Variants in GNG7 observed in about 807,000 individuals in gnomAD.
GNG7 encodes the protein G protein subunit gamma 7.
In GNG7, 1 loss-of-function variant was observed where a neutral mutation model predicts 4.0. That is an observed-to-expected ratio of 0.25 (90% CI 0.09 to 1.18). GNG7 has a LOEUF of 1.18. GNG7 is among the 50% of genes most tolerant of loss of function. The pLI is 0.50. For synonymous variants in GNG7, 34 were observed against 36.9 expected (o/e 0.92, Z 0.29); for missense variants, 86 against 91.9 (o/e 0.94, Z 0.26).
intron 1 of GNG7, among the ~76,000 whole-genome samples, chr19:2,699,688 G>C (rs1913354097): frequency 6.6e-6 from 1 of 152,200 alleles, no homozygotes; most frequent in African/African-American, 2.4e-5. Context: ...AGACATCTGT[G>C]GTTGTCACAA....
At chr19:2,607,576 A>AAAAG (rs1022934896) in intron 2 of GNG7, among the ~76,000 whole-genome samples, 2 of 72,810 alleles carry the variant, frequency 2.7e-5, no homozygotes, top group African/African-American at 7.1e-5. Flanking sequence ...AAAAAAAAAA[A>AAAAG]AAAGAAAGAA....
intron 4 of GNG7, among the ~76,000 whole-genome samples, chr19:2,515,505 G>A (rs987167272): frequency 6.6e-6 from 1 of 151,776 alleles, no homozygotes; most frequent in African/African-American, 2.4e-5. Context: ...TCGGCTCACT[G>A]CAACCTCCAC....
rs1972686741 is a variant in GNG7 at position 2,513,640 on chromosome 19, G to A, written c.*1382C>T. ...TTGCACGGGGGTGGAAAAGCAAAAA[G>A]ATCGGGTTCGAGCGACAGGGTAACG... On this transcript the variant is annotated 3_prime_UTR_variant, in exon 5 of 5. Coordinates refer to ENST00000382159, the MANE Select transcript of GNG7 (RefSeq NM_052847.3). 1.1e-6 allele frequency: 1 copy of A among 921,944 alleles called. No homozygotes were observed. The allele number at this position is 921,944 out of a possible 1,614,324, so 57.1% of individuals were successfully genotyped here.
chr19:2,563,101 C>A (rs767568060), intron 2 of GNG7, among the ~76,000 whole-genome samples: 5 of 152,048 alleles, frequency 3.3e-5, no homozygotes. Flanking sequence ...CCCACCACCA[C>A]GCCCAGCTAA....
chr19:2,568,525 G>C (rs934741541), intron 2 of GNG7, among the ~76,000 whole-genome samples: 1 of 147,732 alleles, frequency 6.8e-6, no homozygotes, highest in East Asian at 2.0e-4. Context: ...GCACATACAC[G>C]TGCACATATA....
intron 1 of GNG7, among the ~76,000 whole-genome samples, chr19:2,668,963 G>T (rs1480475117): frequency 2.0e-5 from 3 of 152,116 alleles, no homozygotes; most frequent in Admixed American, 1.3e-4. Context: ...CATTCCTGCT[G>T]AGAAACCACG....
At chr19:2,525,217 C>T (rs1978353646) in intron 3 of GNG7, among the ~76,000 whole-genome samples, 1 of 152,088 alleles carries the variant, frequency 6.6e-6, no homozygotes, top group African/African-American at 2.4e-5. Flanking sequence ...GTGGGAGGGG[C>T]GGGAGCAGGC....
chr19:2,557,237 G>A lies in GNG7; in HGVS notation c.-77-2049C>T, dbSNP rs371946735. 1.4e-4 allele frequency among the ~76,000 whole-genome samples: 21 copies of A among 147,454 alleles called. 1 individual carries two copies. The South Asian group carries it at 2.4e-3, about 17-fold the overall frequency. Reference sequence around the variant, plus strand: ...CACAGACACACATGCACACACAGACGCACATGTGCACACACACGTGCACAC... The same window carrying A: ...CACAGACACACATGCACACACAGACACACATGTGCACACACACGTGCACAC... On this transcript the variant is annotated intron_variant, in intron 2 of 4. Transcript: ENST00000382159. This position sits in a 1 kb window ranked among gnomAD's most constrained non-coding sequence, Gnocchi z 5.1.
At chr19:2,601,965 G>A (rs1025334988) in intron 2 of GNG7, among the ~76,000 whole-genome samples, 10 of 152,036 alleles carry the variant, frequency 6.6e-5, no homozygotes, top group Non-Finnish European at 1.3e-4. Context: ...GAGAGCAGTG[G>A]AATCCCAGAT....
chr19:2,700,975 C>G (rs917616282), intron 1 of GNG7: 3 of 152,068 alleles, frequency 2.0e-5, no homozygotes, highest in African/African-American at 7.3e-5. Context: ...CACCTCCCAA[C>G]CCCTAGCAAC....
chr19:2,693,397 C>T (rs1913176530), intron 1 of GNG7, among the ~76,000 whole-genome samples: 1 of 128,928 alleles, frequency 7.8e-6, no homozygotes, highest in South Asian at 2.4e-4. Flanking sequence ...GCCTGGGTGA[C>T]AGAGCGAGAC....
chr19:2,687,433 A>G (rs1983899597), intron 1 of GNG7, among the ~76,000 whole-genome samples: 2 of 151,826 alleles, frequency 1.3e-5, no homozygotes. Context: ...CCTGGCCAAC[A>G]TGGAGAAACC....
At chr19:2,531,770 C>CA (rs57772201) in intron 3 of GNG7, among the ~76,000 whole-genome samples, 197 of 128,260 alleles carry the variant, frequency 1.5e-3, no homozygotes, top group Non-Finnish European at 1.8e-3. Context: ...GACTCCGTCC[C>CA]AAAAAAAAAA....
At chr19:2,588,462 C>G (rs1980741442) in intron 2 of GNG7, among the ~76,000 whole-genome samples, 1 of 152,220 alleles carries the variant, frequency 6.6e-6, no homozygotes, top group African/African-American at 2.4e-5. Flanking sequence ...AAGTCAACAG[C>G]TGGTGAATCG....
rs967461055 is a variant in GNG7 at position 2,698,887 on chromosome 19, G to A, written c.-135+3759C>T. ...TGCCTTCAAACAGTGGGGCCCCAGG[G>A]TTTACGAAGCATGAAACAAGAACAG... On this transcript the variant is annotated intron_variant, in intron 1 of 4. Transcript: ENST00000382159. Among the ~76,000 whole-genome samples the A allele has an allele frequency of 2.6e-5, 4 of 152,132 alleles. No individual in the cohort carries two copies. In the South Asian group the frequency reaches 8.3e-4, roughly 32 times the overall value.
rs73920531 is a variant in GNG7, at chr19:2,653,215, T to C, written c.-134-6935A>G. 0.041 allele frequency among the ~76,000 whole-genome samples: 6,168 copies of C among 152,274 alleles called. 232 individuals are homozygous for C. The highest frequency in any genetic ancestry group is 0.095 in the African/African-American group (3,934 of 41,536). The stretch of plus-strand genomic sequence containing the variant: ...TAAGGTGCTGGTTGTTATTTTTGCT[T>C]GTAATTCTGAAAAGGCTGATAGATT... On this transcript the variant is annotated intron_variant, in intron 1 of 4. Transcript: ENST00000382159. The surrounding 1 kb of genome is among the most constrained non-coding windows in gnomAD (Gnocchi z 4.8).
At position 2,633,806 on chromosome 19, in the gene GNG7, C is replaced by A. The variant is rs1289127861; in HGVS notation, c.-78+12418G>T. On this transcript the variant is annotated intron_variant, in intron 2 of 4. Transcript: ENST00000382159. The surrounding 1 kb of genome is among the most constrained non-coding windows in gnomAD (Gnocchi z 5.9). ...CAGGTTCTTCTGCACCGGGCCTTCT[C>A]CCCCCGGCACTGTGGGCATTTGGGG... Among the ~76,000 whole-genome samples the A allele has an allele frequency of 6.6e-6, 1 of 152,124 alleles. No individual in the cohort carries two copies. The highest frequency in any genetic ancestry group is 1.5e-5 in the Non-Finnish European group (1 of 68,006).
At chr19:2,584,540 T>C (rs1166243446) in intron 2 of GNG7, among the ~76,000 whole-genome samples, 1 of 144,060 alleles carries the variant, frequency 6.9e-6, no homozygotes. Context: ...AAGGCTGCAG[T>C]GAGGCATGAT....
chr19:2,557,340 CAT>C lies in GNG7; in HGVS notation c.-77-2154_-77-2153del, dbSNP rs779479189. Among the ~76,000 whole-genome samples, 222 of 151,924 alleles carry C rather than the reference CAT, an allele frequency of 1.5e-3. 1 individual carries two copies. The highest frequency in any genetic ancestry group is 2.6e-3 in the Admixed American group (39 of 15,234). The stretch of plus-strand genomic sequence containing the variant: ...ACACACATGTGCACACAGACACACA[CAT>C]GTGCACACACACAGACACACACACA... On this transcript the variant is annotated intron_variant, in intron 2 of 4. Coordinates refer to ENST00000382159, the MANE Select transcript of GNG7 (RefSeq NM_052847.3). This position sits in a 1 kb window ranked among gnomAD's most constrained non-coding sequence, Gnocchi z 5.1.
Sources: allele counts gnomAD v4.1 joint callset (sites outside exome capture counted in the v4.1 genomes callset), GRCh38; gene constraint gnomAD v4.1.1; non-coding constraint Gnocchi (gnomAD v3.1); transcripts MANE v1.5; gene names NCBI Gene and HGNC (gene_info 2026-07-23, HGNC 2026-07-21).